Variants in ANO6 observed in about 807,000 individuals in gnomAD.
The protein encoded by ANO6 is anoctamin 6.
In ANO6, 106 loss-of-function variants were observed where a neutral mutation model predicts 117.5. The ratio of observed to expected loss-of-function variants is 0.90; its 90% CI spans 0.77 to 1.06. The LOEUF (loss-of-function observed/expected upper bound fraction) is 1.06, where lower values mean the gene tolerates loss of function less well. ANO6 is among the 50% of genes least tolerant of loss of function. The pLI is 0.00. For synonymous variants in ANO6, 367 were observed against 385.1 expected (o/e 0.95, Z 0.55); for missense variants, 955 against 1,121.1 (o/e 0.85, Z 2.12).
chr12:45,383,164 A>G, intron 10 of ANO6: 1 of 217,808 alleles, frequency 4.6e-6, no homozygotes, highest in Non-Finnish European at 9.1e-6. Context: ...CCAGGAGTAG[A>G]TTCCATCTCA....
chr12:45,351,086 ACT>A (rs1941268747), intron 7 of ANO6, among the ~76,000 whole-genome samples: 1 of 151,828 alleles, frequency 6.6e-6, no homozygotes, highest in East Asian at 1.9e-4. Flanking sequence ...ATTAGCACAA[ACT>A]CTCTAGAGGT....
intron 1 of ANO6, among the ~76,000 whole-genome samples, chr12:45,299,612 G>A (rs1241450302): frequency 1.3e-5 from 2 of 152,112 alleles, no homozygotes; most frequent in Admixed American, 6.5e-5. Context: ...CAGCACTTTG[G>A]GAGGCCGAGG....
At chr12:45,244,412 G>C (rs1207613095) in intron 1 of ANO6, among the ~76,000 whole-genome samples, 1 of 148,492 alleles carries the variant, frequency 6.7e-6, no homozygotes, top group South Asian at 2.2e-4. Flanking sequence ...TTGGGGGGGG[G>C]GGGTGGTCTG....
exon 20 of ANO6, chr12:45,439,826 A>G (rs1412725131): frequency 1.3e-6 from 2 of 1,543,038 alleles, no homozygotes; most frequent in East Asian, 2.4e-5. Context: ...GACTCCCTCT[A>G]TTATATATTT....
At chr12:45,241,133 C>G (rs1947736318) in intron 1 of ANO6, among the ~76,000 whole-genome samples, 1 of 152,192 alleles carries the variant, frequency 6.6e-6, no homozygotes, top group Non-Finnish European at 1.5e-5. Context: ...TGGATAATAT[C>G]CTGCAGAGTG....
At chr12:45,433,896 C>G (rs1943677866), downstream of ANO6, among the ~76,000 whole-genome samples, 1 of 152,130 alleles carries the variant, frequency 6.6e-6, no homozygotes, top group African/African-American at 2.4e-5. Context: ...GAGATGTTTT[C>G]CTTTGGTTAT....
At chr12:45,269,298 C>T (rs143521894) in intron 1 of ANO6, among the ~76,000 whole-genome samples, 2 of 152,158 alleles carry the variant, frequency 1.3e-5, no homozygotes, top group African/African-American at 4.8e-5. Context: ...GGATTTCTAA[C>T]CACATGGGGG....
At chr12:45,276,711 C>T (rs1453877136) in intron 1 of ANO6, among the ~76,000 whole-genome samples, 1 of 152,066 alleles carries the variant, frequency 6.6e-6, no homozygotes, top group East Asian at 1.9e-4. Context: ...TATAAGCTTC[C>T]TAAAAAGGGA....
At chr12:45,405,355 A>G (rs1170244614) in intron 15 of ANO6, among the ~76,000 whole-genome samples, 1 of 152,266 alleles carries the variant, frequency 6.6e-6, no homozygotes, top group Admixed American at 6.5e-5. Flanking sequence ...GGAATTGAGA[A>G]ATTCATATGA....
intron 1 of ANO6, among the ~76,000 whole-genome samples, chr12:45,271,248 C>T (rs1938386814): frequency 1.3e-5 from 2 of 152,246 alleles, no homozygotes; most frequent in Admixed American, 6.5e-5. Flanking sequence ...ATGTATATGG[C>T]ATAACAAAAG....
At chr12:45,303,466 C>T (rs574799704) in intron 2 of ANO6, among the ~76,000 whole-genome samples, 1 of 152,254 alleles carries the variant, frequency 6.6e-6, no homozygotes, top group African/African-American at 2.4e-5. Flanking sequence ...ACTTTTCAAG[C>T]AACATATCTA....
At chr12:45,270,260 C>T (rs1167234138) in intron 1 of ANO6, among the ~76,000 whole-genome samples, 1 of 152,162 alleles carries the variant, frequency 6.6e-6, no homozygotes, top group East Asian at 1.9e-4. Flanking sequence ...TGATGCACAG[C>T]AAGAGTTAAG....
intron 8 of ANO6, among the ~76,000 whole-genome samples, chr12:45,365,120 T>G (rs1196897779): frequency 6.6e-6 from 1 of 152,236 alleles, no homozygotes; most frequent in Non-Finnish European, 1.5e-5. Context: ...TTTCTCTGCC[T>G]TTGCCTCATC....
intron 1 of ANO6, among the ~76,000 whole-genome samples, chr12:45,224,994 C>T (rs545625084): frequency 5.9e-5 from 9 of 152,150 alleles, no homozygotes; most frequent in African/African-American, 1.9e-4. Flanking sequence ...AGTTTGAAAC[C>T]AGCCTGGGAA....
At chr12:45,342,634 C>T (rs1220549802) in intron 3 of ANO6, among the ~76,000 whole-genome samples, 1 of 152,172 alleles carries the variant, frequency 6.6e-6, no homozygotes, top group Admixed American at 6.5e-5. Flanking sequence ...GCCATTTACA[C>T]TCCTTAGTTC....
chr12:45,406,480 G>A (rs978945912), intron 15 of ANO6, among the ~76,000 whole-genome samples: 14 of 152,028 alleles, frequency 9.2e-5, no homozygotes, highest in Non-Finnish European at 1.5e-4. Flanking sequence ...AATGTCTGTA[G>A]TATCAATTGT....
At chr12:45,387,973 C>A (rs573001934) in intron 10 of ANO6, among the ~76,000 whole-genome samples, 188 bp from the exon 11 acceptor site, 2 of 152,306 alleles carry the variant, frequency 1.3e-5, no homozygotes, top group Admixed American at 1.3e-4. Flanking sequence ...TTTCCTGAGG[C>A]CTCCCCAGCC....
intron 3 of ANO6, among the ~76,000 whole-genome samples, chr12:45,340,462 A>G (rs1179982105): frequency 6.6e-6 from 1 of 152,182 alleles, no homozygotes; most frequent in Non-Finnish European, 1.5e-5. Context: ...ATTTGCTCCC[A>G]TAGAGATGTA....
chr12:45,331,521 A>G, intron 3 of ANO6, 98 bp downstream of exon 3: 1 of 1,107,958 alleles, frequency 9.0e-7, no homozygotes, highest in South Asian at 1.6e-5. Context: ...CTGATGTTGA[A>G]ATATCATACA....
Sources: allele counts gnomAD v4.1 joint callset (sites outside exome capture counted in the v4.1 genomes callset), GRCh38; gene constraint gnomAD v4.1.1; transcripts MANE v1.5; gene names NCBI Gene and HGNC (gene_info 2026-07-23, HGNC 2026-07-21).